LIPC: variants seen among roughly 807,000 people sequenced by gnomAD.
The protein encoded by LIPC is hepatic triacylglycerol lipase.
In LIPC, 44 loss-of-function variants were observed where a neutral mutation model predicts 50.7. The ratio of observed to expected loss-of-function variants is 0.87; its 90% CI spans 0.68 to 1.11. LIPC has a LOEUF of 1.11. Ranked by LOEUF, LIPC falls within the 50% of genes most tolerant of loss-of-function variation. LIPC has a pLI of 0.00. For synonymous variants in LIPC, 271 were observed against 256.4 expected (o/e 1.06, Z -0.54); for missense variants, 697 against 648.2 (o/e 1.08, Z -0.82).
At chr15:58,544,270 G>A (rs1442824718) in intron 4 of LIPC, among the ~76,000 whole-genome samples, 1 of 152,124 alleles carries the variant, frequency 6.6e-6, no homozygotes, top group Non-Finnish European at 1.5e-5. Flanking sequence ...GTCACATTAG[G>A]CGTATCAGCT....
At chr15:58,470,082 A>G (rs773361883) in intron 1 of LIPC, among the ~76,000 whole-genome samples, 2 of 151,926 alleles carry the variant, frequency 1.3e-5, no homozygotes, top group Non-Finnish European at 2.9e-5. Context: ...ACGGGTACAT[A>G]CCACCACACC....
intron 1 of LIPC, among the ~76,000 whole-genome samples, chr15:58,527,790 T>TGAA (rs1566939351): frequency 1.6e-3 from 241 of 149,452 alleles, no homozygotes; most frequent in East Asian, 3.6e-3. Context: ...AATAAATGAA[T>TGAA]TAATGAATGA....
rs386383140 is a variant in LIPC, at chr15:58,557,379, C to CTTTTTTTTTTTT, written c.1052-3473_1052-3462dup. On this transcript the variant is annotated intron_variant, in intron 6 of 8. Coordinates refer to ENST00000299022, the MANE Select transcript of LIPC (RefSeq NM_000236.3). The stretch of plus-strand genomic sequence containing the variant: ...ATCATGCATACTGCCATTATATGCT[C>CTTTTTTTTTTTT]TTTTTTTTTTTTTTTTTTTTTTTGA... Among the ~76,000 whole-genome samples the CTTTTTTTTTTTT allele has an allele frequency of 1.1e-3, 80 of 75,692 alleles. 6 individuals carry two copies. The highest frequency in any genetic ancestry group is 1.6e-3 in the African/African-American group (29 of 18,578). 49.7% of individuals were successfully genotyped at this position (75,692 alleles called of 152,430 possible).
At chr15:58,446,694 C>A (rs1159909686) in intron 1 of LIPC, among the ~76,000 whole-genome samples, 1 of 152,166 alleles carries the variant, frequency 6.6e-6, no homozygotes, top group Non-Finnish European at 1.5e-5. Context: ...ACACCTCTCT[C>A]CCTGCTGGAG....
intron 1 of LIPC, among the ~76,000 whole-genome samples, chr15:58,443,796 G>A (rs12438189): frequency 0.29 from 42,765 of 147,172 alleles, 6,151 homozygotes; most frequent in Admixed American, 0.37. Flanking sequence ...GTGGATTATC[G>A]TTAGTTCTTA....
intron 1 of LIPC, among the ~76,000 whole-genome samples, chr15:58,491,222 T>C (rs913343286): frequency 8.6e-5 from 13 of 152,014 alleles, no homozygotes; most frequent in African/African-American, 2.9e-4. Flanking sequence ...TTTCATGAAA[T>C]GACAGCACCT....
intron 1 of LIPC, among the ~76,000 whole-genome samples, chr15:58,453,164 C>T (rs1003287658): frequency 6.6e-5 from 10 of 152,102 alleles, no homozygotes; most frequent in African/African-American, 1.4e-4. Flanking sequence ...TTCTTCTCCC[C>T]GCTTGGCTGA....
At chr15:58,474,628 G>T (rs186808749) in intron 1 of LIPC, among the ~76,000 whole-genome samples, 1 of 152,020 alleles carries the variant, frequency 6.6e-6, no homozygotes, top group East Asian at 1.9e-4. Context: ...TCTCCCCTAC[G>T]TTGAGCCCAA....
At chr15:58,480,373 C>T (rs1362352578) in intron 1 of LIPC, among the ~76,000 whole-genome samples, 1 of 152,202 alleles carries the variant, frequency 6.6e-6, no homozygotes, top group Non-Finnish European at 1.5e-5. Flanking sequence ...CGGCTCACTG[C>T]AACCTCTGTT....
rs553845705 is a variant in LIPC at position 58,476,453 on chromosome 15, G to C, written c.88+44333G>C. 3.9e-5 allele frequency among the ~76,000 whole-genome samples: 6 copies of C among 152,356 alleles called. No homozygotes were observed. In the East Asian group the frequency reaches 1.2e-3, roughly 29 times the overall value. ...CCTGATTTCTCCTGTGTGCCACATA[G>C]TTATGCTTCCTTCTGGGAAGGTGTG... On this transcript the variant is annotated intron_variant, in intron 1 of 8. Coordinates refer to ENST00000299022, the MANE Select transcript of LIPC (RefSeq NM_000236.3).
chr15:58,487,817 G>A (rs1891430457), intron 1 of LIPC, among the ~76,000 whole-genome samples: 1 of 152,196 alleles, frequency 6.6e-6, no homozygotes, highest in South Asian at 2.1e-4. Context: ...AGGGCCCGAG[G>A]TCATCTTGTG....
rs542506716 is a variant in LIPC at position 58,437,339 on chromosome 15, C to A, written c.88+5219C>A. On this transcript the variant is annotated intron_variant, in intron 1 of 8. Transcript: ENST00000299022. ...AAAAGCTCAGTAACAACTGGTCTTG[C>A]AGCTTTGTAAAACAAGTATAAGAAA... is the stretch of plus-strand genomic sequence containing the variant. Among the ~76,000 whole-genome samples the A allele has an allele frequency of 2.0e-5, 3 of 151,642 alleles. No individual in the cohort carries two copies. The South Asian group carries it at 6.3e-4, about 32-fold the overall frequency.
intron 1 of LIPC, among the ~76,000 whole-genome samples, chr15:58,500,846 A>G (rs911136429): frequency 9.3e-5 from 14 of 150,680 alleles, no homozygotes; most frequent in Admixed American, 2.0e-4. Flanking sequence ...CTCATCCTCT[A>G]TATTATCCAA....
chr15:58,485,173 G>A (rs1891326311), intron 1 of LIPC, among the ~76,000 whole-genome samples: 1 of 152,196 alleles, frequency 6.6e-6, no homozygotes, highest in African/African-American at 2.4e-5. Context: ...AGAATGCATT[G>A]GAAGAGGACG....
chr15:58,492,838 C>T (rs1891630810), intron 1 of LIPC, among the ~76,000 whole-genome samples: 1 of 152,212 alleles, frequency 6.6e-6, no homozygotes, highest in African/African-American at 2.4e-5. Flanking sequence ...AGTAAGACAT[C>T]ATTCACAGAG....
chr15:58,438,773 G>A (rs1402123717), intron 1 of LIPC, among the ~76,000 whole-genome samples: 2 of 152,226 alleles, frequency 1.3e-5, no homozygotes, highest in Non-Finnish European at 2.9e-5. Context: ...GGAGTTCCAG[G>A]AGAGGGTTTC....
At chr15:58,526,316 T>A (rs144660408) in intron 1 of LIPC, among the ~76,000 whole-genome samples, 11 of 152,112 alleles carry the variant, frequency 7.2e-5, no homozygotes, top group African/African-American at 2.7e-4. Flanking sequence ...CTGGCTGGAG[T>A]GTTTTGCAGT....
chr15:58,466,162 A>G (rs1353077147), intron 1 of LIPC, among the ~76,000 whole-genome samples: 1 of 152,242 alleles, frequency 6.6e-6, no homozygotes, highest in Non-Finnish European at 1.5e-5. Flanking sequence ...TAGTCGTGAG[A>G]TATCTATCCA....
At chr15:58,468,807 G>A in intron 1 of LIPC, among the ~76,000 whole-genome samples, 1 of 152,090 alleles carries the variant, frequency 6.6e-6, no homozygotes, top group Non-Finnish European at 1.5e-5. Flanking sequence ...CTGCTAGGCT[G>A]GTAATATTTT....
Sources: gnomAD v4.1 joint callset for allele counts (sites outside exome capture counted in the v4.1 genomes callset) on GRCh38, gnomAD v4.1.1 for gene constraint, MANE v1.5 for transcripts, NCBI Gene and HGNC (gene_info 2026-07-23, HGNC 2026-07-21) for gene names.